Variants in ERICH1 observed in about 807,000 individuals in gnomAD.
The protein encoded by ERICH1 is glutamate-rich protein 1.
ERICH1 carries 56 observed loss-of-function variants against 39.6 expected under a neutral mutation model. That is an observed-to-expected ratio of 1.41 (90% confidence interval 1.14 to 1.77). ERICH1 has a LOEUF of 1.77. Ranked by LOEUF, ERICH1 falls within the 40% of genes most tolerant of loss-of-function variation. The pLI is 0.00. For synonymous variants in ERICH1, 313 were observed against 223.6 expected, an observed-to-expected ratio of 1.40 and a Z score of -3.57; for missense variants, 826 against 575.4, an observed-to-expected ratio of 1.44 and a Z score of -4.45.
chr8:695,176 A>G (rs1415884459), intron 2 of ERICH1, among the ~76,000 whole-genome samples: 9 of 151,920 alleles, frequency 5.9e-5, no homozygotes, highest in Admixed American at 5.9e-4. Flanking sequence ...GCCGACAGCT[A>G]TGGAGGGGCT....
chr8:697,654 G>C (rs915120870), intron 2 of ERICH1, among the ~76,000 whole-genome samples: 3 of 152,134 alleles, frequency 2.0e-5, no homozygotes, highest in African/African-American at 7.2e-5. Context: ...CCCTGCCTCT[G>C]CCCACCCCGC....
chr8:638,347 C>T (rs909534624), intron 3 of ERICH1, among the ~76,000 whole-genome samples: 3 of 152,194 alleles, frequency 2.0e-5, no homozygotes, highest in African/African-American at 7.2e-5. Flanking sequence ...ACGTTCAGAC[C>T]CTCAGCCAGC....
intron 4 of ERICH1, chr8:672,336 C>T (rs1210434195): frequency 6.6e-6 from 1 of 152,206 alleles, no homozygotes; most frequent in Non-Finnish European, 1.5e-5. Flanking sequence ...ATACAATCTG[C>T]TGAGAAACAC....
intron 3 of ERICH1, among the ~76,000 whole-genome samples, chr8:684,523 A>G (rs1016540539): frequency 5.9e-5 from 9 of 152,172 alleles, no homozygotes; most frequent in African/African-American, 2.2e-4. Flanking sequence ...AACTTAACTA[A>G]AACGCTCATT....
chr8:692,796 C>T lies in ERICH1; in HGVS notation c.170-184G>A, dbSNP rs369349778. 1.4e-3 allele frequency among the ~76,000 whole-genome samples: 220 copies of T among 152,266 alleles called. 1 individual carries two copies. Among genetic ancestry groups the T allele is most frequent in the African/African-American group, 5.1e-3 (211 of 41,540 alleles). The stretch of plus-strand genomic sequence containing the variant: ...TATGTCAAGTATTGTGCCAGAAAAG[C>T]AGGTCAGCTACACACCCAGCCAAGA... On this transcript the variant is annotated intron_variant, in intron 2 of 5. Coordinates refer to ENST00000262109, the MANE Select transcript of ERICH1 (RefSeq NM_207332.3).
chr8:643,497 G>C (rs1799255585), intron 3 of ERICH1, among the ~76,000 whole-genome samples: 1 of 151,958 alleles, frequency 6.6e-6, no homozygotes, highest in Non-Finnish European at 1.5e-5. Context: ...GGCACTGATG[G>C]TCACCCCCGT....
Position 690,679 on chromosome 8 carries a change from C to T in ERICH1, c.304+1799G>A, listed in dbSNP as rs185681904. ...GATCCAAGTTGCTGTGGGGATGCCC[C>T]GGCGCAGAGCAGGGCTGCGCAAGGT... is the stretch of plus-strand genomic sequence containing the variant. On this transcript the variant is annotated intron_variant, in intron 3 of 5. Transcript: ENST00000262109. 3.9e-3 allele frequency among the ~76,000 whole-genome samples: 600 copies of T among 152,356 alleles called. 6 individuals are homozygous for T. Among genetic ancestry groups the T allele is most frequent in the Non-Finnish European group, 2.8e-3 (192 of 68,028 alleles).
intron 3 of ERICH1, among the ~76,000 whole-genome samples, chr8:642,921 C>T (rs530891642): frequency 5.9e-5 from 9 of 152,234 alleles, no homozygotes; most frequent in Admixed American, 2.6e-4. Flanking sequence ...TGGGGCTGGA[C>T]GGGAGACTGC....
chr8:679,249 G>A (rs556606739), intron 3 of ERICH1, among the ~76,000 whole-genome samples: 2 of 127,020 alleles, frequency 1.6e-5, no homozygotes, highest in East Asian at 2.4e-4. Flanking sequence ...CTTCAGCTCC[G>A]ACCCCTCACA....
At position 644,767 on chromosome 8, in the gene ERICH1, C is replaced by A. The variant is rs1177965045; in HGVS notation, c.976+23831G>T. On this transcript the variant is annotated intron_variant, in intron 3 of 3. Transcript: ENST00000522706. ...GTGTCACCAACCTATCCAACCACTT[C>A]TCTCCCTGCAGCAGGTCTTGGGGCT... 4.4e-5 allele frequency among the ~76,000 whole-genome samples: 3 copies of A among 68,294 alleles called. 1 individual carries two copies. The South Asian group carries it at 1.7e-3, about 39-fold the overall frequency. 44.8% of individuals were successfully genotyped at this position (68,294 alleles called of 152,430 possible). A position where few individuals can be genotyped will look rare whatever the true frequency, so the allele number is the denominator to read the frequency against.
intron 3 of ERICH1, among the ~76,000 whole-genome samples, chr8:687,816 G>A (rs1807820320): frequency 6.6e-6 from 1 of 152,176 alleles, no homozygotes; most frequent in African/African-American, 2.4e-5. Flanking sequence ...GAGGAATCGG[G>A]GGCGAGGCGC....
intron 2 of ERICH1, among the ~76,000 whole-genome samples, chr8:704,664 T>G (rs1228621300): frequency 1.3e-5 from 2 of 151,844 alleles, no homozygotes; most frequent in Non-Finnish European, 2.9e-5. Flanking sequence ...TTGTAAAAAA[T>G]GTGCATCCAT....
chr8:624,381 G>C lies in ERICH1; in HGVS notation c.977-9097C>G, dbSNP rs189713981. On this transcript the variant is annotated intron_variant, in intron 3 of 3. Transcript: ENST00000522706. ...AATTTCCCAAAAAGGTGAACACAGA[G>C]TCACCACACGAACCTGCAGTTCTAC... Among the ~76,000 whole-genome samples, 7 of 152,338 alleles carry C rather than the reference G, an allele frequency of 4.6e-5. No homozygotes were observed. The East Asian group carries it at 1.2e-3, about 25-fold the overall frequency.
intron 3 of ERICH1, among the ~76,000 whole-genome samples, chr8:632,219 T>C (rs1798085666): frequency 6.6e-6 from 1 of 152,206 alleles, no homozygotes; most frequent in Non-Finnish European, 1.5e-5. Flanking sequence ...GGGTCTCATT[T>C]TTCTATTGTG....
rs994302125 is a variant in ERICH1, at chr8:642,105, G to C, written c.976+26493C>G. Among the ~76,000 whole-genome samples, 2 of 152,116 alleles carry C rather than the reference G, an allele frequency of 1.3e-5. 1 individual carries two copies. Among genetic ancestry groups the C allele is most frequent in the South Asian group, 4.1e-4 (2 of 4,822 alleles). On this transcript the variant is annotated intron_variant, in intron 3 of 3. Transcript: ENST00000522706. ...AAGGCCCAGAGATGATTTCACTTTG[G>C]GTGAGCACATGCAAAAAGGGGCGTG...
At chr8:718,660 C>A (rs1816594636) in intron 1 of ERICH1, among the ~76,000 whole-genome samples, 1 of 152,192 alleles carries the variant, frequency 6.6e-6, no homozygotes, top group Non-Finnish European at 1.5e-5. Context: ...CTGGGAGTCA[C>A]AAGCTCCGCC....
Position 673,766 on chromosome 8 carries a change from T to C in ERICH1, c.586A>G (p.Ser196Gly). The C allele has an allele frequency of 1.2e-6, 2 of 1,614,146 alleles. No homozygotes were observed. Among genetic ancestry groups the C allele is most frequent in the Non-Finnish European group, 1.7e-6 (2 of 1,180,024 alleles). Residue 196 changes from serine (S) to glycine (G), a missense_variant, in exon 4 of 6, where the codon AGC becomes GGC. Coordinates refer to ENST00000262109, the MANE Select transcript of ERICH1 (RefSeq NM_207332.3). ...VSFMYQPEDS[S>G]NEGEGVGEAC... ...TCTCCCACGCCTTCCCCTTCATTGCTGCTGTCCTCGGGCTGGTACATGAAA... is the reference window on the plus strand; with the variant it reads ...TCTCCCACGCCTTCCCCTTCATTGCCGCTGTCCTCGGGCTGGTACATGAAA...
At chr8:635,551 CA>C (rs1248037937) in intron 3 of ERICH1, among the ~76,000 whole-genome samples, 171 of 152,332 alleles carry the variant, frequency 1.1e-3, no homozygotes, top group African/African-American at 4.0e-3. Context: ...CCGCAGGCGG[CA>C]CAGCTGTGGT....
chr8:728,150 T>C (rs1406596737), intron 1 of ERICH1, among the ~76,000 whole-genome samples: 12 of 152,102 alleles, frequency 7.9e-5, no homozygotes, highest in Admixed American at 7.2e-4. Context: ...GAAGCACACA[T>C]GGAGTCAGGG....
Sources: gnomAD v4.1 joint callset for allele counts (sites outside exome capture counted in the v4.1 genomes callset) on GRCh38, gnomAD v4.1.1 for gene constraint, MANE v1.5 for transcripts, NCBI Gene and HGNC (gene_info 2026-07-23, HGNC 2026-07-21) for gene names.